The following DGKI variants were observed in gnomAD, a reference collection of about 807,000 sequenced individuals.
DGKI encodes diacylglycerol kinase iota, also known as DAG kinase iota.
Under a neutral mutation model 147.5 loss-of-function variants are expected in DGKI, and 55 were observed. The observed-to-expected ratio is 0.37, with a 90% CI of 0.30 to 0.47. The LOEUF (loss-of-function observed/expected upper bound fraction) is 0.47, where lower values mean the gene tolerates loss of function less well. Among genes scored for constraint, DGKI ranks in the 20% least tolerant of loss-of-function variants. The pLI is 1.00. For synonymous variants in DGKI, 469 were observed against 477.1 expected, an observed-to-expected ratio of 0.98 and a Z score of 0.22; for missense variants, 1,007 against 1,323.8, an observed-to-expected ratio of 0.76 and a Z score of 3.71.
At chr7:137,440,982 G>GA (rs909452453) in intron 28 of DGKI, among the ~76,000 whole-genome samples, 1 of 151,950 alleles carries the variant, frequency 6.6e-6, no homozygotes, top group Non-Finnish European at 1.5e-5. Context: ...TAATGATAAT[G>GA]AAAAAAACGG....
At position 137,658,624 on chromosome 7, in the gene DGKI, A is replaced by G. The variant is rs79417000; in HGVS notation, c.607-2084T>C. On this transcript the variant is annotated intron_variant, in intron 3 of 32. Transcript: ENST00000614521. ...GACACTACGCTCTGCATTAAGTTCT[A>G]TGGAGTTCCAGGGATTTCTTAGTCT... Among the ~76,000 whole-genome samples, 258 of 152,296 alleles carry G rather than the reference A, an allele frequency of 1.7e-3. No homozygotes were observed. The East Asian group carries it at 0.02, about 12-fold the overall frequency.
At chr7:137,542,704 T>C (rs573864241) in intron 20 of DGKI, among the ~76,000 whole-genome samples, 2 of 152,300 alleles carry the variant, frequency 1.3e-5, no homozygotes, top group South Asian at 4.1e-4. Context: ...TCTCTATATG[T>C]CTTAAACTTT....
At chr7:137,510,057 A>G (rs564191265) in intron 21 of DGKI, among the ~76,000 whole-genome samples, 1 of 152,292 alleles carries the variant, frequency 6.6e-6, no homozygotes, top group African/African-American at 2.4e-5. Flanking sequence ...CCTTTTTCCT[A>G]CTTCTGATGA....
intron 6 of DGKI, among the ~76,000 whole-genome samples, chr7:137,638,071 G>T (rs1821376587): frequency 6.6e-6 from 1 of 152,108 alleles, no homozygotes; most frequent in Admixed American, 6.6e-5. Context: ...GGTAAATGAG[G>T]ATTTGGGAAC....
intron 12 of DGKI, among the ~76,000 whole-genome samples, chr7:137,592,977 G>T (rs899912875): frequency 6.6e-6 from 1 of 152,170 alleles, no homozygotes; most frequent in Non-Finnish European, 1.5e-5. Context: ...ATGAGGAAAG[G>T]GGCTTAGGAT....
intron 6 of DGKI, among the ~76,000 whole-genome samples, chr7:137,640,017 T>G (rs917049259): frequency 1.3e-5 from 2 of 152,014 alleles, no homozygotes; most frequent in East Asian, 1.9e-4. Context: ...TTTTTTTTTT[T>G]TTGGTGGTGG....
At chr7:137,825,830 T>C (rs932204496) in intron 1 of DGKI, among the ~76,000 whole-genome samples, 4 of 152,324 alleles carry the variant, frequency 2.6e-5, no homozygotes, top group Admixed American at 6.5e-5. Context: ...TCTAGGGCAG[T>C]GAAAAGTAAA....
chr7:137,431,983 G>A (rs892423398), intron 28 of DGKI, among the ~76,000 whole-genome samples: 2 of 152,224 alleles, frequency 1.3e-5, no homozygotes, highest in Non-Finnish European at 2.9e-5. Context: ...GATCATGGGT[G>A]TGGATTTCCC....
intron 1 of DGKI, among the ~76,000 whole-genome samples, chr7:137,744,975 C>T (rs1199907878): frequency 6.6e-6 from 1 of 152,122 alleles, no homozygotes; most frequent in Admixed American, 6.6e-5. Context: ...CCCCTAATAA[C>T]TGGAACAAGA....
At chr7:137,794,450 G>A (rs1796963262) in intron 1 of DGKI, among the ~76,000 whole-genome samples, 1 of 152,222 alleles carries the variant, frequency 6.6e-6, no homozygotes, top group South Asian at 2.1e-4. Context: ...CTAGCAAATT[G>A]CAGGAATCCT....
chr7:137,494,216 A>G (rs537272262), intron 21 of DGKI, among the ~76,000 whole-genome samples: 1 of 152,328 alleles, frequency 6.6e-6, no homozygotes, highest in South Asian at 2.1e-4. Flanking sequence ...TGAAAGAGAA[A>G]AAGAGAAAGC....
chr7:137,533,543 T>C (rs1398689818), intron 20 of DGKI, among the ~76,000 whole-genome samples: 1 of 152,138 alleles, frequency 6.6e-6, no homozygotes, highest in Non-Finnish European at 1.5e-5. Context: ...CAAACCAATG[T>C]ATTTATAAGA....
At chr7:137,590,050 C>T (rs895634317) in intron 12 of DGKI, among the ~76,000 whole-genome samples, 2 of 151,036 alleles carry the variant, frequency 1.3e-5, no homozygotes, top group African/African-American at 4.9e-5. Context: ...AAAAAAAAGA[C>T]GCAGCTTCAA....
chr7:137,656,446 A>G lies in DGKI; in HGVS notation c.681+20T>C. 6.2e-7 allele frequency: 1 copy of G among 1,613,614 alleles called. No individual in the cohort carries two copies. Among genetic ancestry groups the G allele is most frequent in the Non-Finnish European group, 8.5e-7 (1 of 1,179,596 alleles). ...AATACTTGCAATGTAACAAAACTGC[A>G]GCAGGGGGCGCGCTCTTACCTTTTC... On this transcript the variant is annotated intron_variant, in intron 4 of 32. Coordinates refer to ENST00000614521, the MANE Select transcript of DGKI (RefSeq NM_001321708.2).
chr7:137,795,828 T>G (rs1022781760), intron 1 of DGKI, among the ~76,000 whole-genome samples: 6 of 152,174 alleles, frequency 3.9e-5, no homozygotes, highest in Non-Finnish European at 7.3e-5. Context: ...AGTGGGAAAG[T>G]TATTGGTTGA....
In DGKI at chr7:137,386,185, G is replaced by A. The variant is rs563618894; in HGVS notation, c.*5035C>T. 2.0e-5 allele frequency: 3 copies of A among 152,160 alleles called. No individual in the cohort carries two copies. The South Asian group carries it at 6.2e-4, about 32-fold the overall frequency. 9.4% of individuals were successfully genotyped at this position (152,160 alleles called of 1,614,324 possible). The stretch of plus-strand genomic sequence containing the variant: ...TTTTCTGCTTTCTTTCTGGGACCTG[G>A]TCAGTAAATCTCAGTGTCCTGGGAG... On this transcript the variant is annotated 3_prime_UTR_variant, in exon 33 of 33. Transcript: ENST00000614521.
intron 1 of DGKI, among the ~76,000 whole-genome samples, chr7:137,692,167 A>G (rs1823637809): frequency 6.6e-6 from 1 of 152,176 alleles, no homozygotes; most frequent in South Asian, 2.1e-4. Context: ...TCCTCCACCT[A>G]TGTTGAAGGA....
chr7:137,527,997 C>T (rs1272714942), intron 20 of DGKI, among the ~76,000 whole-genome samples: 4 of 152,174 alleles, frequency 2.6e-5, no homozygotes, highest in African/African-American at 9.7e-5. Flanking sequence ...CTCTTTGCAG[C>T]TCCAGCAGCT....
chr7:137,768,445 G>A (rs555615965), intron 1 of DGKI, among the ~76,000 whole-genome samples: 31 of 152,164 alleles, frequency 2.0e-4, no homozygotes, highest in East Asian at 1.2e-3. Flanking sequence ...AAATAGCTTC[G>A]TCACACTGAG....
Sources: allele counts gnomAD v4.1 joint callset (sites outside exome capture counted in the v4.1 genomes callset), GRCh38; gene constraint gnomAD v4.1.1; transcripts MANE v1.5; gene names NCBI Gene and HGNC (gene_info 2026-07-23, HGNC 2026-07-21).